Variants in MTSS1 observed in about 807,000 individuals in gnomAD.
MTSS1 encodes MTSS I-BAR domain containing 1.
MTSS1 carries 18 observed loss-of-function variants against 79.0 expected under a neutral mutation model. That is an observed-to-expected ratio of 0.23 (90% CI 0.16 to 0.34). The LOEUF (loss-of-function observed/expected upper bound fraction) is 0.34. Among genes scored for constraint, MTSS1 ranks in the 10% least tolerant of loss-of-function variants. The probability of loss-of-function intolerance (pLI) is 1.00; values close to 1 mark genes in which losing one functional copy is unlikely to be tolerated. For missense variants in MTSS1, 815 were observed against 986.2 expected (o/e 0.83, Z 2.33); for synonymous variants, 341 against 368.6 (o/e 0.93, Z 0.86).
rs547378608 is a variant in MTSS1 at position 124,567,473 on chromosome 8, G to A, written c.619-295C>T. Among the ~76,000 whole-genome samples, 140 of 152,382 alleles carry A rather than the reference G, an allele frequency of 9.2e-4. 7 individuals carry two copies. In the South Asian group the frequency reaches 0.022, roughly 24 times the overall value. On this transcript the variant is annotated intron_variant, in intron 7 of 13. Coordinates refer to ENST00000518547, the MANE Select transcript of MTSS1 (RefSeq NM_014751.6). ...CCAGGCCTGCTCAGATGGTCTGACT[G>A]TGTGTTCCCACGGGATCCTGCAGCA...
intron 3 of MTSS1, among the ~76,000 whole-genome samples, chr8:124,662,424 G>A (rs1822225746): frequency 6.6e-6 from 1 of 152,176 alleles, no homozygotes; most frequent in Admixed American, 6.5e-5. Context: ...GCCATACACA[G>A]CACAGGACAC....
At chr8:124,669,672 A>G (rs1392245904) in intron 3 of MTSS1, among the ~76,000 whole-genome samples, 1 of 152,226 alleles carries the variant, frequency 6.6e-6, no homozygotes, top group Non-Finnish European at 1.5e-5. Context: ...GTCTTTGTCT[A>G]TATACATTCA....
Position 124,728,090 on chromosome 8 carries a change from G to C in MTSS1, c.-135C>G. 4.4e-6 allele frequency: 3 copies of C among 675,308 alleles called. No homozygotes were observed. The highest frequency in any genetic ancestry group is 7.4e-6 in the Non-Finnish European group (3 of 402,966). The allele number at this position is 675,308 out of a possible 1,614,324, so 41.8% of individuals were successfully genotyped here. On this transcript the variant is annotated 5_prime_UTR_variant, in exon 1 of 14. Transcript: ENST00000518547. This position sits in a 1 kb window ranked among gnomAD's most constrained non-coding sequence, Gnocchi z 6.1. ...GGACTCGCAGCCTCTTCTGCAGCGA[G>C]GACGGGGTGCACCAGACCGACTGTT... is the stretch of plus-strand genomic sequence containing the variant.
chr8:124,572,744 T>TTTTTTTC (rs1828073839), intron 6 of MTSS1, among the ~76,000 whole-genome samples: 1 of 89,476 alleles, frequency 1.1e-5, no homozygotes, highest in Admixed American at 9.6e-5. Context: ...TTTTCTTTTC[T>TTTTTTTC]TTTTTTTTTT....
At position 124,553,342 on chromosome 8, in the gene MTSS1, G is replaced by A. The variant is rs762528178; in HGVS notation, c.1918C>T (p.Arg640Trp). 4.1e-5 allele frequency: 66 copies of A among 1,613,432 alleles called. No individual in the cohort carries two copies. In the East Asian group the frequency reaches 1.0e-3, roughly 25 times the overall value. ...GGCGACTCAGGGCTGTGCTCCCCCC[G>A]CTCTTCTGGCCCATCTGGAGGGGCT... The part of the protein sequence containing the change: ...LPAPPDGPEE[R>W]GEHSPESPSV... The change falls in exon 14 of 14, where the codon CGG (arginine) becomes TGG (tryptophan). Residue 640 changes from arginine (R) to tryptophan (W), a missense_variant. Physicochemically the swap from Arg to Trp is moderately radical, Grantham distance 101. This residue lies in a region of MTSS1 where 590 missense variants were observed against 620.8 expected (regional missense o/e 0.95). Transcript: ENST00000518547. The surrounding 1 kb of genome is among the most constrained non-coding windows in gnomAD (Gnocchi z 6.0).
chr8:124,711,295 G>C (rs530187821), intron 1 of MTSS1, among the ~76,000 whole-genome samples: 1 of 152,194 alleles, frequency 6.6e-6, no homozygotes, highest in Non-Finnish European at 1.5e-5. Flanking sequence ...CACTCTCTAA[G>C]GAGCCCAGCT....
intron 6 of MTSS1, among the ~76,000 whole-genome samples, chr8:124,570,432 T>G (rs1342501047): frequency 6.6e-6 from 1 of 152,216 alleles, no homozygotes; most frequent in African/African-American, 2.4e-5. Flanking sequence ...AATACGGTAT[T>G]TTGAAAGAGA....
chr8:124,562,868 C>T lies in MTSS1; in HGVS notation c.949G>A (p.Val317Met), dbSNP rs780497909. 7 of 1,613,990 alleles carry T rather than the reference C, an allele frequency of 4.3e-6. No homozygotes were observed. The highest frequency in any genetic ancestry group is 2.2e-5 in the South Asian group (2 of 91,088). The change falls in exon 10 of 14, where the codon GTG (valine) becomes ATG (methionine). Residue 317 changes from valine (V) to methionine (M), a missense_variant. Val to Met is a conservative substitution (Grantham distance 21). This residue lies in a region of MTSS1 where 590 missense variants were observed against 620.8 expected (regional missense o/e 0.95). Transcript: ENST00000518547. ...AQQAPVRLSS[V>M]SSHDSGFISQ... Reference sequence around the variant, plus strand: ...ATGAATCCTGAGTCATGGGAGGACACGCTGGACAGCCTCACAGGAGCCTGC... The same window carrying T: ...ATGAATCCTGAGTCATGGGAGGACATGCTGGACAGCCTCACAGGAGCCTGC...
rs535234040 is a variant in MTSS1, at chr8:124,662,548, C to T, written c.208+36978G>A. Among the ~76,000 whole-genome samples, 129 of 152,228 alleles carry T rather than the reference C, an allele frequency of 8.5e-4. 1 individual carries two copies. In the South Asian group the frequency reaches 0.011, roughly 13 times the overall value. ...GAGCCTTTCCCCAATACTCAGGATC[C>T]GGGCTCTGCCCCAGGCCTCCTGACG... is the stretch of plus-strand genomic sequence containing the variant. On this transcript the variant is annotated intron_variant, in intron 3 of 13. Transcript: ENST00000518547.
rs550995488 is a variant in MTSS1, at chr8:124,565,586, C to T, written c.824+76G>A. ...AATGAGCCATTCTAAGAGATAAGGACTGGCTCCATTGCTCACATTAGCATA... is the reference window on the plus strand; with the variant it reads ...AATGAGCCATTCTAAGAGATAAGGATTGGCTCCATTGCTCACATTAGCATA... On this transcript the variant is annotated intron_variant, in intron 9 of 13. Transcript: ENST00000518547. 1.0e-5 allele frequency: 13 copies of T among 1,246,296 alleles called. No homozygotes were observed. The African/African-American group carries it at 1.3e-4, about 13-fold the overall frequency. The allele number at this position is 1,246,296 out of a possible 1,614,324, so 77.2% of individuals were successfully genotyped here.
At chr8:124,636,161 C>T (rs1432872325) in intron 3 of MTSS1, among the ~76,000 whole-genome samples, 4 of 152,118 alleles carry the variant, frequency 2.6e-5, no homozygotes, top group Non-Finnish European at 5.9e-5. Flanking sequence ...ATGGAGTCTC[C>T]CTCTGTCGCC....
intron 3 of MTSS1, among the ~76,000 whole-genome samples, chr8:124,614,774 G>C (rs1051660397): frequency 6.6e-6 from 1 of 152,202 alleles, no homozygotes; most frequent in Non-Finnish European, 1.5e-5. Context: ...AGGGGAAAAG[G>C]GCAGGGGGAG....
At chr8:124,636,923 TCTTA>T (rs1469985050) in intron 3 of MTSS1, among the ~76,000 whole-genome samples, 2 of 152,174 alleles carry the variant, frequency 1.3e-5, no homozygotes, top group Non-Finnish European at 2.9e-5. Context: ...CTCTCCCAGG[TCTTA>T]CTTATTAAAT....
chr8:124,692,693 G>A (rs906046851), intron 3 of MTSS1, among the ~76,000 whole-genome samples: 1 of 152,270 alleles, frequency 6.6e-6, no homozygotes, highest in African/African-American at 2.4e-5. Context: ...CCTCAGGGAG[G>A]GGTCACCAAG....
At chr8:124,626,791 G>A (rs1415204196) in intron 3 of MTSS1, among the ~76,000 whole-genome samples, 1 of 151,944 alleles carries the variant, frequency 6.6e-6, no homozygotes, top group African/African-American at 2.4e-5. Context: ...TTCTTCCTAG[G>A]GGCATCACAC....
chr8:124,586,025 C>T (rs939740014), intron 5 of MTSS1, among the ~76,000 whole-genome samples: 5 of 152,158 alleles, frequency 3.3e-5, no homozygotes, highest in Admixed American at 3.3e-4. Context: ...TCCAAGTGCA[C>T]CACATCCCCT....
chr8:124,613,655 G>A (rs1836297596), intron 3 of MTSS1, among the ~76,000 whole-genome samples: 1 of 152,206 alleles, frequency 6.6e-6, no homozygotes, highest in Admixed American at 6.5e-5. Flanking sequence ...TCCACAGGTA[G>A]CTGACTGCAC....
chr8:124,724,713 G>A (rs912376860), intron 1 of MTSS1, among the ~76,000 whole-genome samples: 6 of 152,110 alleles, frequency 3.9e-5, no homozygotes, highest in Admixed American at 2.0e-4. Flanking sequence ...AATCGATGCC[G>A]GTTCAATGAC....
intron 3 of MTSS1, among the ~76,000 whole-genome samples, chr8:124,665,323 C>T (rs568836800): frequency 3.3e-5 from 5 of 152,266 alleles, no homozygotes; most frequent in South Asian, 2.1e-4. Context: ...CGATTCATTC[C>T]GTGGGCACTG....
Sources: allele counts gnomAD v4.1 joint callset (sites outside exome capture counted in the v4.1 genomes callset), GRCh38; gene constraint gnomAD v4.1.1; regional missense constraint gnomAD v4.1.1; non-coding constraint Gnocchi (gnomAD v3.1); transcripts MANE v1.5; gene names NCBI Gene and HGNC (gene_info 2026-07-23, HGNC 2026-07-21).